The following TRAF3IP2 variants were observed in gnomAD, a reference collection of about 807,000 sequenced individuals.
TRAF3IP2 encodes E3 ubiquitin ligase TRAF3IP2.
A neutral mutation model predicts 57.9 loss-of-function variants in TRAF3IP2; 35 were observed. That is an observed-to-expected ratio of 0.60 (90% CI 0.46 to 0.80). TRAF3IP2 has a LOEUF of 0.80. TRAF3IP2 is among the 30% of genes least tolerant of loss of function. The pLI is 0.00. For synonymous variants in TRAF3IP2, 251 were observed against 268.9 expected (o/e 0.93, Z 0.65); for missense variants, 556 against 706.4 (o/e 0.79, Z 2.41).
chr6:111,599,606 G>T (rs778749819), intron 1 of TRAF3IP2, among the ~76,000 whole-genome samples: 3 of 152,116 alleles, frequency 2.0e-5, no homozygotes, highest in Admixed American at 6.5e-5. Flanking sequence ...GCTCATGTCT[G>T]TTCCCAGCAA....
intron 1 of TRAF3IP2, among the ~76,000 whole-genome samples, chr6:111,597,523 AG>A (rs1796728151): frequency 6.6e-6 from 1 of 152,212 alleles, no homozygotes; most frequent in Admixed American, 6.5e-5. Flanking sequence ...ATGCCACATC[AG>A]GGGGCCACAG....
At chr6:111,582,834 C>G (rs970528772) in intron 2 of TRAF3IP2, among the ~76,000 whole-genome samples, 5 of 152,132 alleles carry the variant, frequency 3.3e-5, no homozygotes, top group Non-Finnish European at 7.3e-5. Flanking sequence ...ACTACACTCT[C>G]ACTGGCCCAC....
Position 111,592,045 on chromosome 6 carries a change from T to G in TRAF3IP2, c.42A>C (p.Pro14=). ...TTGGTTTCAGCAACTGACTTGGGTA[T>G]GGTTCTGATTCATCAACCTCCACAG... is the stretch of plus-strand genomic sequence containing the variant. ...SIPVEVDESE[P]YPSQLLKPIP... is the part of the protein sequence containing the mutation. Residue 14 remains proline (P), a synonymous_variant, in exon 2 of 9, where the codon CCA becomes CCC. Transcript: ENST00000368761. The G allele has an allele frequency of 6.2e-7, 1 of 1,614,258 alleles. No homozygotes were observed. The highest frequency in any genetic ancestry group is 8.5e-7 in the Non-Finnish European group (1 of 1,180,034).
Position 111,555,670 on chromosome 6 carries a change from C to T in TRAF3IP2, c.*3735G>A, listed in dbSNP as rs1207659102. Among the ~76,000 whole-genome samples, 4 of 152,270 alleles carry T rather than the reference C, an allele frequency of 2.6e-5. No homozygotes were observed. The South Asian group carries it at 6.2e-4, about 24-fold the overall frequency. Reference sequence around the variant, plus strand: ...TGTAAGTCTGAATAAAGCCTTTGGGCTAAGAGGTTATTTTTACTAAGTCAG... The same window carrying T: ...TGTAAGTCTGAATAAAGCCTTTGGGTTAAGAGGTTATTTTTACTAAGTCAG... On this transcript the variant is annotated 3_prime_UTR_variant, in exon 9 of 9. Coordinates refer to ENST00000368761, the MANE Select transcript of TRAF3IP2 (RefSeq NM_147686.4).
chr6:111,569,036 G>A (rs1451656392), intron 5 of TRAF3IP2, among the ~76,000 whole-genome samples: 2 of 152,196 alleles, frequency 1.3e-5, no homozygotes, highest in Non-Finnish European at 2.9e-5. Context: ...ACCATGCCCT[G>A]TGTATACCGA....
chr6:111,599,066 A>AT (rs1017585005), intron 1 of TRAF3IP2, among the ~76,000 whole-genome samples: 4,848 of 129,042 alleles, frequency 0.038, 299 homozygotes, highest in African/African-American at 0.11. Context: ...CACCTGGTTA[A>AT]TTTTTTTTTT....
intron 3 of TRAF3IP2, among the ~76,000 whole-genome samples, chr6:111,577,502 C>T (rs1796025516): frequency 6.6e-6 from 1 of 152,048 alleles, no homozygotes; most frequent in Non-Finnish European, 1.5e-5. Flanking sequence ...GATTTTCCCA[C>T]CTTAGCCTCC....
intron 5 of TRAF3IP2, among the ~76,000 whole-genome samples, chr6:111,570,785 C>G (rs1287218589): frequency 6.6e-6 from 1 of 152,110 alleles, no homozygotes; most frequent in Non-Finnish European, 1.5e-5. Flanking sequence ...AGGCTGGCCT[C>G]CAACTCCTGG....
chr6:111,584,033 T>C (rs1373067639), intron 2 of TRAF3IP2, among the ~76,000 whole-genome samples: 1 of 152,234 alleles, frequency 6.6e-6, no homozygotes, highest in Admixed American at 6.5e-5. Context: ...TCTTCCTATA[T>C]CCATTAATGA....
Position 111,599,066 on chromosome 6 carries a change from ATTTTTTT to A in TRAF3IP2, c.-9+6703_-9+6709del, listed in dbSNP as rs1017585005. 7.3e-3 allele frequency among the ~76,000 whole-genome samples: 937 copies of A among 129,048 alleles called. 12 individuals carry two copies. Among genetic ancestry groups the A allele is most frequent in the African/African-American group, 0.026 (873 of 33,782 alleles). The allele number at this position is 129,048 out of a possible 152,430, so 84.7% of individuals were successfully genotyped here. On this transcript the variant is annotated intron_variant, in intron 1 of 8. Coordinates refer to ENST00000368761, the MANE Select transcript of TRAF3IP2 (RefSeq NM_147686.4). ...AGGCATGCACCACCACACCTGGTTA[ATTTTTTT>A]TTTTTTTTTTTTTTTGTAGCGACAG...
intron 5 of TRAF3IP2, among the ~76,000 whole-genome samples, chr6:111,568,427 T>C (rs1039706193): frequency 8.1e-4 from 120 of 147,910 alleles, no homozygotes; most frequent in Non-Finnish European, 1.5e-3. Flanking sequence ...AGGCTTATAC[T>C]GCAGAGTGTG....
intron 1 of TRAF3IP2, chr6:111,598,151 C>T (rs539431898): frequency 3.9e-6 from 1 of 258,368 alleles, no homozygotes; most frequent in African/African-American, 2.2e-5. Context: ...CCAGGCCCCA[C>T]ACCCAGGGCC....
At chr6:111,585,476 C>T (rs971758671) in intron 2 of TRAF3IP2, among the ~76,000 whole-genome samples, 1 of 152,178 alleles carries the variant, frequency 6.6e-6, no homozygotes, top group African/African-American at 2.4e-5. Context: ...GATGGCCAGG[C>T]ACTTGGTGAA....
chr6:111,589,486 C>T (rs73534579), intron 2 of TRAF3IP2, among the ~76,000 whole-genome samples: 7,856 of 152,286 alleles, frequency 0.052, 225 homozygotes, highest in Middle Eastern at 0.085. Context: ...ACCTTGCCAA[C>T]ATTCAGTTCT....
chr6:111,603,568 G>A (rs939855646), intron 1 of TRAF3IP2, among the ~76,000 whole-genome samples: 2 of 152,184 alleles, frequency 1.3e-5, no homozygotes, highest in Non-Finnish European at 2.9e-5. Flanking sequence ...ATTCTACAAC[G>A]TGTAAAACAA....
intron 1 of TRAF3IP2, chr6:111,597,905 T>C (rs6941014): frequency 0.51 from 231,814 of 455,540 alleles, 61,011 homozygotes; most frequent in Admixed American, 0.56. Flanking sequence ...CAGAGGGCGG[T>C]GCCTGGATTG....
At chr6:111,601,009 C>T (rs1796843511) in intron 1 of TRAF3IP2, 2 of 509,714 alleles carry the variant, frequency 3.9e-6, no homozygotes, top group Non-Finnish European at 7.1e-6. Context: ...TCCGAGGTCA[C>T]ATGGCTATTA....
At chr6:111,572,679 C>T in intron 5 of TRAF3IP2, 1 of 549,444 alleles carries the variant, frequency 1.8e-6, no homozygotes. Flanking sequence ...TACTTGGGGT[C>T]ACTCAAACAG....
At chr6:111,601,821 A>C (rs1473604859) in intron 1 of TRAF3IP2, 1 of 152,212 alleles carries the variant, frequency 6.6e-6, no homozygotes, top group Non-Finnish European at 1.5e-5. Context: ...TTCCCCAGAG[A>C]GTAATCTTTT....
Sources: allele counts gnomAD v4.1 joint callset (sites outside exome capture counted in the v4.1 genomes callset), GRCh38; gene constraint gnomAD v4.1.1; transcripts MANE v1.5; gene names NCBI Gene and HGNC (gene_info 2026-07-23, HGNC 2026-07-21).